Variants in CNTNAP2 observed in about 807,000 individuals in gnomAD.
The protein encoded by CNTNAP2 is contactin-associated protein-like 2.
CNTNAP2 carries 98 observed loss-of-function variants against 155.2 expected under a neutral mutation model. That is an observed-to-expected ratio of 0.63 (90% CI 0.54 to 0.75). The LOEUF (loss-of-function observed/expected upper bound fraction) is 0.75, where lower values mean the gene tolerates loss of function less well. Among genes scored for constraint, CNTNAP2 ranks in the 30% least tolerant of loss-of-function variants. The probability of loss-of-function intolerance (pLI) is 0.00; values close to 1 mark genes in which losing one functional copy is unlikely to be tolerated. For synonymous variants in CNTNAP2, 651 were observed against 631.2 expected, an observed-to-expected ratio of 1.03 and a Z score of -0.47; for missense variants, 1,727 against 1,688.1, an observed-to-expected ratio of 1.02 and a Z score of -0.40.
chr7:146,456,279 G>T (rs1470225154), intron 1 of CNTNAP2, among the ~76,000 whole-genome samples: 3 of 152,140 alleles, frequency 2.0e-5, no homozygotes, highest in African/African-American at 7.2e-5. Flanking sequence ...TTTCAGCAAA[G>T]CCAACTAGGA....
intron 1 of CNTNAP2, among the ~76,000 whole-genome samples, chr7:146,698,424 CTAGGCTGTACT>C (rs1014369599): frequency 1.3e-5 from 2 of 152,010 alleles, no homozygotes; most frequent in Non-Finnish European, 2.9e-5. Context: ...ATACAGAGTT[CTAGGCTGTACT>C]TTTATTTGTT....
intron 4 of CNTNAP2, among the ~76,000 whole-genome samples, chr7:147,057,098 C>A (rs1195895153): frequency 6.6e-6 from 1 of 152,070 alleles, no homozygotes; most frequent in Admixed American, 6.6e-5. Flanking sequence ...CTGCACCAGG[C>A]CAAGATGATC....
chr7:147,131,044 A>ATATATATATATGTG (rs1801342532), intron 7 of CNTNAP2, among the ~76,000 whole-genome samples: 3 of 143,840 alleles, frequency 2.1e-5, no homozygotes, highest in South Asian at 2.2e-4. Flanking sequence ...ATATATACAC[A>ATATATATATATGTG]TATATATATG....
chr7:146,232,608 G>T (rs2116915841), intron 1 of CNTNAP2, among the ~76,000 whole-genome samples: 1 of 152,190 alleles, frequency 6.6e-6, no homozygotes, highest in South Asian at 2.1e-4. Context: ...CTCCTGTTGG[G>T]ACATTCTGCA....
At chr7:147,820,137 C>T (rs977405354) in intron 13 of CNTNAP2, among the ~76,000 whole-genome samples, 4 of 152,040 alleles carry the variant, frequency 2.6e-5, no homozygotes, top group South Asian at 2.1e-4. Flanking sequence ...GTTCTAGTTG[C>T]TTTTCCCTTA....
intron 1 of CNTNAP2, among the ~76,000 whole-genome samples, chr7:146,543,231 A>T (rs1006634573): frequency 1.3e-5 from 2 of 151,928 alleles, no homozygotes; most frequent in Non-Finnish European, 2.9e-5. Flanking sequence ...GGTGATTCTA[A>T]TGTTCAACCA....
In CNTNAP2 at chr7:148,409,410, T is replaced by C; in HGVS notation, c.3735T>C (p.Tyr1245=). The C allele has an allele frequency of 1.2e-6, 2 of 1,613,544 alleles. No homozygotes were observed. Among genetic ancestry groups the C allele is most frequent in the Middle Eastern group, 1.6e-4 (1 of 6,062 alleles). ...HLDSASADFP[Y]NPGQGQAIRN... Reference sequence around the variant, plus strand: ...CTACAGCCAGTGCGGATTTTCCATATAATCCAGGACAAGGCCAAGCTATAA... The same window carrying C: ...CTACAGCCAGTGCGGATTTTCCATACAATCCAGGACAAGGCCAAGCTATAA... Residue 1245 remains tyrosine, a synonymous_variant, in exon 23 of 24, where the codon TAT becomes TAC. Transcript: ENST00000361727.
chr7:146,151,689 T>C (rs1409415729), intron 1 of CNTNAP2, among the ~76,000 whole-genome samples: 1 of 38,930 alleles, frequency 2.6e-5, no homozygotes, highest in Non-Finnish European at 5.1e-5. Flanking sequence ...TATGTATATA[T>C]ATATATATGT....
rs144870170 is a variant in CNTNAP2 at position 147,975,049 on chromosome 7, C to T, written c.2256-2813C>T. On this transcript the variant is annotated intron_variant, in intron 14 of 23. Transcript: ENST00000361727. The stretch of plus-strand genomic sequence containing the variant: ...ACATATAATACAATTTTTTGTATTA[C>T]GTATAATACAATTTTTTGTATTATG... 4.1e-3 allele frequency among the ~76,000 whole-genome samples: 625 copies of T among 150,618 alleles called. 2 individuals are homozygous for T. The highest frequency in any genetic ancestry group is 9.7e-3 in the African/African-American group (399 of 41,082).
intron 3 of CNTNAP2, among the ~76,000 whole-genome samples, chr7:146,913,265 G>A (rs996689327): frequency 1.3e-5 from 2 of 152,148 alleles, no homozygotes; most frequent in East Asian, 3.9e-4. Context: ...TAAGAGAGCT[G>A]CGAATATGGA....
intron 13 of CNTNAP2, among the ~76,000 whole-genome samples, chr7:147,796,352 C>A (rs1049947422): frequency 6.6e-6 from 1 of 152,086 alleles, no homozygotes; most frequent in African/African-American, 2.4e-5. Flanking sequence ...ACAGTGGCAC[C>A]TTTAATTATT....
chr7:148,396,527 C>T (rs1799471613), intron 22 of CNTNAP2, among the ~76,000 whole-genome samples: 1 of 152,170 alleles, frequency 6.6e-6, no homozygotes, highest in South Asian at 2.1e-4. Flanking sequence ...TGTCAGTCAC[C>T]ACCTGGAAAT....
At chr7:147,467,567 T>C (rs2116600836) in intron 10 of CNTNAP2, among the ~76,000 whole-genome samples, 1 of 152,328 alleles carries the variant, frequency 6.6e-6, no homozygotes, top group East Asian at 1.9e-4. Context: ...AAAGGTCACC[T>C]GTTGCGTACA....
chr7:148,364,373 A>G (rs184756695), intron 21 of CNTNAP2, among the ~76,000 whole-genome samples: 36 of 152,284 alleles, frequency 2.4e-4, no homozygotes, highest in African/African-American at 7.9e-4. Flanking sequence ...AAATACATCA[A>G]TCAGCACCCT....
At chr7:148,012,426 G>C (rs370842042) in intron 15 of CNTNAP2, among the ~76,000 whole-genome samples, 13 of 152,346 alleles carry the variant, frequency 8.5e-5, no homozygotes, top group East Asian at 1.9e-4. Flanking sequence ...GAACATTGCT[G>C]TCCAACCACT....
At chr7:147,297,569 G>A (rs1222811205) in intron 8 of CNTNAP2, among the ~76,000 whole-genome samples, 1 of 152,124 alleles carries the variant, frequency 6.6e-6, no homozygotes, top group Non-Finnish European at 1.5e-5. Context: ...TGATGTGAGG[G>A]AGCAAAACCA....
intron 8 of CNTNAP2, among the ~76,000 whole-genome samples, chr7:147,174,095 G>A (rs544919139): frequency 2.0e-5 from 3 of 152,146 alleles, no homozygotes; most frequent in African/African-American, 7.2e-5. Flanking sequence ...AAAAAAACCA[G>A]CAAACCACAG....
intron 22 of CNTNAP2, among the ~76,000 whole-genome samples, chr7:148,392,074 G>A (rs1409781522): frequency 2.0e-5 from 3 of 151,244 alleles, no homozygotes; most frequent in Non-Finnish European, 2.9e-5. Context: ...GCAGCTAGTT[G>A]TTGTTGTTAT....
chr7:148,157,153 T>C (rs1805414461), intron 17 of CNTNAP2, among the ~76,000 whole-genome samples: 2 of 152,218 alleles, frequency 1.3e-5, no homozygotes, highest in South Asian at 4.1e-4. Context: ...CTTCGTCTTC[T>C]TCATTTACAT....
Sources: gnomAD v4.1 joint callset for allele counts (sites outside exome capture counted in the v4.1 genomes callset) on GRCh38, gnomAD v4.1.1 for gene constraint, MANE v1.5 for transcripts, NCBI Gene and HGNC (gene_info 2026-07-23, HGNC 2026-07-21) for gene names.